The following EXT1 variants were observed in gnomAD, a reference collection of about 807,000 sequenced individuals.
EXT1 encodes the protein exostosin-1.
Under a neutral mutation model 82.5 loss-of-function variants are expected in EXT1, and 20 were observed. That is an observed-to-expected ratio of 0.24 (90% CI 0.17 to 0.35). The LOEUF is 0.35. Among genes scored for constraint, EXT1 ranks in the 10% least tolerant of loss-of-function variants. The pLI is 1.00. For synonymous variants in EXT1, 348 were observed against 350.8 expected, an observed-to-expected ratio of 0.99 and a Z score of 0.09; for missense variants, 757 against 936.5, an observed-to-expected ratio of 0.81 and a Z score of 2.50.
chr8:118,025,759 AT>A (rs111885529), intron 1 of EXT1, among the ~76,000 whole-genome samples: 191 of 150,806 alleles, frequency 1.3e-3, no homozygotes, highest in African/African-American at 4.5e-3. Flanking sequence ...CTCTTCCATA[AT>A]TTTTTTTTTC....
intron 1 of EXT1, among the ~76,000 whole-genome samples, chr8:118,050,199 G>A (rs1816694903): frequency 1.3e-5 from 2 of 152,206 alleles, no homozygotes. Context: ...CTCCAGTTCT[G>A]TGTGAACAGA....
Position 117,884,310 on chromosome 8 carries a change from A to G in EXT1, c.963-47109T>C, listed in dbSNP as rs536876637. ...CCCCCAAAGAAGAATGAAGGGGGAA[A>G]GGGATTGGCAAATATCCCTTTGGTG... is the stretch of plus-strand genomic sequence containing the variant. On this transcript the variant is annotated intron_variant, in intron 1 of 10. Transcript: ENST00000378204. Among the ~76,000 whole-genome samples, 51 of 152,344 alleles carry G rather than the reference A, an allele frequency of 3.3e-4. 2 individuals are homozygous for G. The South Asian group carries it at 9.3e-3, about 28-fold the overall frequency.
intron 1 of EXT1, among the ~76,000 whole-genome samples, chr8:117,938,299 T>TA (rs1814205425): frequency 3.3e-5 from 5 of 152,080 alleles, no homozygotes; most frequent in Middle Eastern, 3.4e-3. Flanking sequence ...CTGTCTCCAC[T>TA]AAAAATACAA....
intron 1 of EXT1, among the ~76,000 whole-genome samples, chr8:118,042,590 C>A (rs1056458344): frequency 6.6e-6 from 1 of 152,164 alleles, no homozygotes; most frequent in African/African-American, 2.4e-5. Context: ...CCTCTGGGGG[C>A]ACCTGGCCCC....
intron 7 of EXT1, among the ~76,000 whole-genome samples, chr8:117,814,996 G>A (rs1021968929): frequency 2.0e-5 from 3 of 152,192 alleles, no homozygotes; most frequent in African/African-American, 7.2e-5. Flanking sequence ...GGCTTCAGGG[G>A]TTGCTCCTAC....
chr8:118,053,820 CTA>C (rs1357122185), intron 1 of EXT1, among the ~76,000 whole-genome samples: 3 of 152,198 alleles, frequency 2.0e-5, no homozygotes, highest in Non-Finnish European at 4.4e-5. Flanking sequence ...TGCTACACCT[CTA>C]TAATTAGAGC....
chr8:117,990,748 T>G (rs1815414553), intron 1 of EXT1, among the ~76,000 whole-genome samples: 1 of 152,238 alleles, frequency 6.6e-6, no homozygotes, highest in Admixed American at 6.5e-5. Flanking sequence ...TGTGGAAAGA[T>G]GCAAACCCCA....
In EXT1 at chr8:118,111,466, C is replaced by A. The variant is rs1586280717; in HGVS notation, c.-420G>T. On this transcript the variant is annotated 5_prime_UTR_variant, in exon 1 of 11. Coordinates refer to ENST00000378204, the MANE Select transcript of EXT1 (RefSeq NM_000127.3). ...CCTCTCGGCAGCGTGGAAAATGAGC[C>A]CCGGGAAGGCAACTTCAACTCATCC... 1 of 537,424 alleles carries A rather than the reference C, an allele frequency of 1.9e-6. No individual in the cohort carries two copies. Among genetic ancestry groups the A allele is most frequent in the East Asian group, 2.9e-5 (1 of 33,970 alleles). 33.3% of individuals were successfully genotyped at this position (537,424 alleles called of 1,614,324 possible). A position where few individuals can be genotyped will look rare whatever the true frequency, so the allele number is the denominator to read the frequency against.
chr8:118,008,572 A>G (rs1815829729), intron 1 of EXT1, among the ~76,000 whole-genome samples: 1 of 152,152 alleles, frequency 6.6e-6, no homozygotes, highest in Non-Finnish European at 1.5e-5. Flanking sequence ...ATACAGACTT[A>G]CTTGTTTTCA....
intron 1 of EXT1, among the ~76,000 whole-genome samples, chr8:117,852,452 G>A (rs1358795753): frequency 1.3e-5 from 2 of 152,198 alleles, no homozygotes; most frequent in Non-Finnish European, 2.9e-5. Context: ...TTGGGGACTT[G>A]ATAGAACAGG....
At chr8:117,941,686 T>C (rs17504729) in intron 1 of EXT1, among the ~76,000 whole-genome samples, 7,512 of 152,280 alleles carry the variant, frequency 0.049, 656 homozygotes, top group African/African-American at 0.17. Flanking sequence ...CACACCCTCA[T>C]GTTAAATCTT....
intron 1 of EXT1, among the ~76,000 whole-genome samples, chr8:117,931,339 A>T (rs1272403257): frequency 1.3e-5 from 2 of 152,210 alleles, no homozygotes; most frequent in Admixed American, 1.3e-4. Flanking sequence ...AGACATACAT[A>T]TGCCCTTCAA....
chr8:118,061,196 C>T (rs1816875499), intron 1 of EXT1, among the ~76,000 whole-genome samples: 1 of 152,202 alleles, frequency 6.6e-6, no homozygotes, highest in African/African-American at 2.4e-5. Flanking sequence ...AAACACGTGG[C>T]TCAGTGGCTG....
At chr8:117,880,594 C>CTTT (rs58814828) in intron 1 of EXT1, among the ~76,000 whole-genome samples, 7 of 142,554 alleles carry the variant, frequency 4.9e-5, no homozygotes, top group Non-Finnish European at 4.6e-5. Context: ...CCTCTTTTTT[C>CTTT]TTTTTTTTTT....
intron 1 of EXT1, among the ~76,000 whole-genome samples, chr8:118,100,882 C>T (rs896806908): frequency 6.6e-5 from 10 of 152,134 alleles, no homozygotes; most frequent in African/African-American, 2.2e-4. Flanking sequence ...TCCACCCCTA[C>T]CCCACACACA....
chr8:117,996,066 A>T (rs2129798601), intron 1 of EXT1, among the ~76,000 whole-genome samples: 1 of 152,218 alleles, frequency 6.6e-6, no homozygotes, highest in Admixed American at 6.5e-5. Flanking sequence ...CTTGCCTTTG[A>T]ATCCAGACAG....
At chr8:117,912,656 T>TGA (rs1400983938) in intron 1 of EXT1, among the ~76,000 whole-genome samples, 2 of 152,216 alleles carry the variant, frequency 1.3e-5, no homozygotes, top group African/African-American at 2.4e-5. Context: ...CAAAGTGTGA[T>TGA]GAGTTTATTC....
At chr8:117,860,965 A>T (rs1033024825) in intron 1 of EXT1, among the ~76,000 whole-genome samples, 19 of 152,234 alleles carry the variant, frequency 1.2e-4, no homozygotes, top group Non-Finnish European at 2.2e-4. Context: ...TAGTCCAAAT[A>T]GGGACGAACG....
intron 1 of EXT1, among the ~76,000 whole-genome samples, chr8:118,070,251 T>C (rs1817066759): frequency 2.0e-5 from 3 of 151,246 alleles, no homozygotes; most frequent in South Asian, 2.1e-4. Context: ...TGTGTGTGTG[T>C]GTGTGTGTGT....
Sources: allele counts gnomAD v4.1 joint callset (sites outside exome capture counted in the v4.1 genomes callset), GRCh38; gene constraint gnomAD v4.1.1; transcripts MANE v1.5; gene names NCBI Gene and HGNC (gene_info 2026-07-23, HGNC 2026-07-21).